The following KCTD7 variants were observed in gnomAD, a reference collection of about 807,000 sequenced individuals.
KCTD7 encodes potassium channel tetramerization domain containing 7, also known as BTB/POZ domain-containing protein KCTD7.
Under a neutral mutation model 27.0 loss-of-function variants are expected in KCTD7, and 15 were observed. The ratio of observed to expected loss-of-function variants is 0.56; its 90% CI spans 0.37 to 0.86. KCTD7 has a LOEUF of 0.86. Among genes scored for constraint, KCTD7 ranks in the 40% least tolerant of loss-of-function variants. The pLI is 0.00. For synonymous variants in KCTD7, 159 were observed against 162.7 expected (o/e 0.98, Z 0.17); for missense variants, 299 against 398.9 (o/e 0.75, Z 2.13).
At chr7:66,638,119 A>C in intron 2 of KCTD7, 134 bp from the exon 3 acceptor site, 1 of 864,068 alleles carries the variant, frequency 1.2e-6, no homozygotes, top group Non-Finnish European at 2.0e-6. Flanking sequence ...AAACTGAGAC[A>C]TGGAGTAGTT....
intron 2 of KCTD7, among the ~76,000 whole-genome samples, chr7:66,636,465 T>C (rs538683236): frequency 2.6e-4 from 40 of 151,960 alleles, no homozygotes; most frequent in Non-Finnish European, 4.9e-4. Context: ...GGATAACCCA[T>C]GAATAGTGGC....
Position 66,628,959 on chromosome 7 carries a change from G to T in KCTD7, c.-106G>T, listed in dbSNP as rs1471064717. 3.3e-6 allele frequency: 4 copies of T among 1,226,552 alleles called. No homozygotes were observed. Among genetic ancestry groups the T allele is most frequent in the East Asian group, 3.3e-5 (1 of 30,198 alleles). The allele number at this position is 1,226,552 out of a possible 1,614,324, so 76.0% of individuals were successfully genotyped here. On this transcript the variant is annotated 5_prime_UTR_variant, in exon 1 of 4. Transcript: ENST00000639828. ...ACTGCCTCTCGCCCCCCTCCGGCCA[G>T]CCCGCAGCCGGCCGCGTCATGCCAG...
Position 66,639,222 on chromosome 7 carries a change from C to G in KCTD7, c.860C>G (p.Thr287Arg). The stretch of plus-strand genomic sequence containing the variant: ...CGCCCCATCTATGAGTTCAAGATCA[C>G]ATGGTGGTGAGTAGCCCCGGTAGGC... ...CKRPIYEFKI[T>R]WW The change falls in exon 4 of 4, where the codon ACA (threonine) becomes AGA (arginine). Residue 287 changes from threonine (T) to arginine (R), a missense_variant. Transcript: ENST00000639828. 6.2e-7 allele frequency: 1 copy of G among 1,612,300 alleles called. No individual in the cohort carries two copies. Among genetic ancestry groups the G allele is most frequent in the Non-Finnish European group, 8.5e-7 (1 of 1,180,020 alleles).
At position 66,638,985 on chromosome 7, in the gene KCTD7, A is replaced by G. The variant is rs762356641; in HGVS notation, c.623A>G (p.Asn208Ser). Residue 208 changes from asparagine to serine, a missense_variant, in exon 4 of 4, where the codon AAC becomes AGC. Transcript: ENST00000639828. ...PITPYECPLLNSLRFERSESD... is the reference protein window; with the variant it reads ...PITPYECPLLSSLRFERSESD... ...ACCCCCTATGAGTGTCCGCTCCTCAACTCCCTGCGATTTGAGCGGAGTGAG... is the reference window on the plus strand; with the variant it reads ...ACCCCCTATGAGTGTCCGCTCCTCAGCTCCCTGCGATTTGAGCGGAGTGAG... 7.4e-6 allele frequency: 12 copies of G among 1,613,774 alleles called. No homozygotes were observed. The highest frequency in any genetic ancestry group is 1.0e-5 in the Non-Finnish European group (12 of 1,179,974).
chr7:66,637,597 A>C (rs560802410), intron 2 of KCTD7, among the ~76,000 whole-genome samples: 1 of 152,226 alleles, frequency 6.6e-6, no homozygotes, highest in Non-Finnish European at 1.5e-5. Context: ...ACATTTCAAA[A>C]ACATTATGTT....
Position 66,639,415 on chromosome 7 carries a change from T to C in KCTD7, c.*183T>C. The C allele has an allele frequency of 6.7e-7, 1 of 1,493,278 alleles. No homozygotes were observed. The highest frequency in any genetic ancestry group is 8.9e-7 in the Non-Finnish European group (1 of 1,123,698). The allele number at this position is 1,493,278 out of a possible 1,614,324, so 92.5% of individuals were successfully genotyped here. On this transcript the variant is annotated 3_prime_UTR_variant, in exon 4 of 4. Coordinates refer to ENST00000639828, the MANE Select transcript of KCTD7 (RefSeq NM_153033.5). The stretch of plus-strand genomic sequence containing the variant: ...CAATCTCCCTGACTGCACCTCAGGG[T>C]TGGGCTCAGGGCTTGCGGCCTGCAG...
intron 1 of KCTD7, among the ~76,000 whole-genome samples, chr7:66,632,450 G>T (rs1786473242): frequency 7.0e-6 from 1 of 141,944 alleles, no homozygotes; most frequent in Admixed American, 7.4e-5. Context: ...TCGCGCCACT[G>T]AACTCCAGCC....
At position 66,639,448 on chromosome 7, in the gene KCTD7, A is replaced by G. The variant is rs77341088; in HGVS notation, c.*216A>G. On this transcript the variant is annotated 3_prime_UTR_variant, in exon 4 of 4. Coordinates refer to ENST00000639828, the MANE Select transcript of KCTD7 (RefSeq NM_153033.5). ...AGGGCTTGCGGCCTGCAGGCACTCC[A>G]GCCAGCGCTCACCTGGCCTTTCCTC... is the stretch of plus-strand genomic sequence containing the variant. 5,229 of 1,455,078 alleles carry G rather than the reference A, an allele frequency of 3.6e-3. 319 individuals carry two copies. The East Asian group carries it at 0.11, about 31-fold the overall frequency. 90.1% of individuals were successfully genotyped at this position (1,455,078 alleles called of 1,614,324 possible).
intron 2 of KCTD7, 111 bp from the exon 3 acceptor site, chr7:66,638,142 C>T (rs1477566021): frequency 9.1e-7 from 1 of 1,098,186 alleles, no homozygotes; most frequent in African/African-American, 1.5e-5. Context: ...GTTCATTTAC[C>T]CAGTGTAACA....
chr7:66,639,931 C>G lies in KCTD7; in HGVS notation c.*699C>G. On this transcript the variant is annotated 3_prime_UTR_variant, in exon 4 of 4. Coordinates refer to ENST00000639828, the MANE Select transcript of KCTD7 (RefSeq NM_153033.5). ...GCCCTGTCTTAGGGCCGCGGCTTCT[C>G]TTATCTTCCACCACCTTCCTTGCTT... is the stretch of plus-strand genomic sequence containing the variant. The G allele has an allele frequency of 8.0e-7, 1 of 1,246,674 alleles. No homozygotes were observed. Among genetic ancestry groups the G allele is most frequent in the Non-Finnish European group, 1.0e-6 (1 of 997,256 alleles). The allele number at this position is 1,246,674 out of a possible 1,614,324, so 77.2% of individuals were successfully genotyped here.
chr7:66,632,824 A>G (rs939229047), intron 1 of KCTD7, among the ~76,000 whole-genome samples: 1 of 151,926 alleles, frequency 6.6e-6, no homozygotes, highest in African/African-American at 2.4e-5. Flanking sequence ...CAGGTGGATC[A>G]TGAGGTCAGG....
In KCTD7 at chr7:66,633,312, A is replaced by G. The variant is rs529063727; in HGVS notation, c.182A>G (p.His61Arg). ...GTTCCCCTTAACATCGGAGGGGCTCACTTCACTACACGCCTGTCCACACTG... is the reference window on the plus strand; with the variant it reads ...GTTCCCCTTAACATCGGAGGGGCTCGCTTCACTACACGCCTGTCCACACTG... ...EVVPLNIGGA[H>R]FTTRLSTLRC... The change falls in exon 2 of 4, where the codon CAC (histidine) becomes CGC (arginine). Residue 61 changes from histidine (H) to arginine (R), a missense_variant. Coordinates refer to ENST00000639828, the MANE Select transcript of KCTD7 (RefSeq NM_153033.5). 6 of 1,613,898 alleles carry G rather than the reference A, an allele frequency of 3.7e-6. No individual in the cohort carries two copies. Among genetic ancestry groups the G allele is most frequent in the African/African-American group, 2.7e-5 (2 of 74,994 alleles).
At position 66,629,110 on chromosome 7, in the gene KCTD7, G is replaced by C. The variant is rs1450028260; in HGVS notation, c.46G>C (p.Gly16Arg). 4 of 1,542,772 alleles carry C rather than the reference G, an allele frequency of 2.6e-6. No individual in the cohort carries two copies. Among genetic ancestry groups the C allele is most frequent in the Non-Finnish European group, 3.5e-6 (4 of 1,147,134 alleles). Residue 16 changes from glycine to arginine, a missense_variant, in exon 1 of 4, where the codon GGT (glycine) becomes CGT (arginine). Transcript: ENST00000639828. The part of the protein sequence containing the change: ...GREPDSRRQD[G>R]AMSSSDAEDD... ...GGAGCCAGACAGCCGTCGTCAGGAC[G>C]GTGCCATGTCCAGCTCTGACGCCGA...
chr7:66,630,285 A>G (rs780685090), intron 1 of KCTD7, among the ~76,000 whole-genome samples: 2 of 152,136 alleles, frequency 1.3e-5, no homozygotes, highest in Non-Finnish European at 2.9e-5. Flanking sequence ...AACAAAAACA[A>G]AAAAAGCAAG....
intron 2 of KCTD7, 149 bp downstream of exon 2, chr7:66,633,593 ATTTTT>A (rs200130485): frequency 1.8e-4 from 115 of 635,684 alleles, no homozygotes; most frequent in Non-Finnish European, 2.2e-4. Flanking sequence ...AAAGAGATCA[ATTTTT>A]TTTTTTTTTT....
intron 2 of KCTD7, among the ~76,000 whole-genome samples, chr7:66,636,478 G>A (rs1162659938): frequency 6.6e-6 from 1 of 151,786 alleles, no homozygotes; most frequent in East Asian, 1.9e-4. Flanking sequence ...ATAGTGGCTG[G>A]CATGGAGTAA....
intron 3 of KCTD7, 53 bp downstream of exon 3, chr7:66,638,484 A>G: frequency 6.3e-7 from 1 of 1,584,206 alleles, no homozygotes. Flanking sequence ...TCTGCAAGGC[A>G]TCTGTGAGTG....
rs1165255716 is a variant in KCTD7, at chr7:66,641,379, A to G, written c.*2147A>G. The G allele has an allele frequency of 1.0e-6, 1 of 985,290 alleles. No individual in the cohort carries two copies. Among genetic ancestry groups the G allele is most frequent in the African/African-American group, 1.7e-5 (1 of 57,216 alleles). 61.0% of individuals were successfully genotyped at this position (985,290 alleles called of 1,614,324 possible). A position where few individuals can be genotyped will look rare whatever the true frequency, so the allele number is the denominator to read the frequency against. ...GTTCATTAAGCCCATTGCTTTCAGT[A>G]ATGTGGCCTTGACCCCTTCTGCTTC... is the stretch of plus-strand genomic sequence containing the variant. On this transcript the variant is annotated 3_prime_UTR_variant, in exon 4 of 4. Coordinates refer to ENST00000639828, the MANE Select transcript of KCTD7 (RefSeq NM_153033.5).
At position 66,640,564 on chromosome 7, in the gene KCTD7, A is replaced by C. The variant is rs1237231123; in HGVS notation, c.*1332A>C. The C allele has an allele frequency of 2.8e-6, 4 of 1,443,394 alleles. No homozygotes were observed. Among genetic ancestry groups the C allele is most frequent in the Non-Finnish European group, 3.6e-6 (4 of 1,103,628 alleles). 89.4% of individuals were successfully genotyped at this position (1,443,394 alleles called of 1,614,324 possible). A position where few individuals can be genotyped will look rare whatever the true frequency, so the allele number is the denominator to read the frequency against. On this transcript the variant is annotated 3_prime_UTR_variant, in exon 4 of 4. Transcript: ENST00000639828. ...TGCTGCATTAAGGGTGTCTCTCTCT[A>C]ATCATGATTGTACCTGTCTCTTCCT...
Sources: allele counts gnomAD v4.1 joint callset (sites outside exome capture counted in the v4.1 genomes callset), GRCh38; gene constraint gnomAD v4.1.1; transcripts MANE v1.5; gene names NCBI Gene and HGNC (gene_info 2026-07-23, HGNC 2026-07-21).